The following ANKLE2 variants were observed in gnomAD, a reference collection of about 807,000 sequenced individuals.
ANKLE2 encodes the protein ankyrin repeat and LEM domain containing 2.
A neutral mutation model predicts 84.2 loss-of-function variants in ANKLE2; 55 were observed. The observed-to-expected ratio is 0.65, with a 90% confidence interval of 0.53 to 0.82. The LOEUF is 0.82. Among genes scored for constraint, ANKLE2 ranks in the 40% least tolerant of loss-of-function variants. The pLI, the probability that ANKLE2 is intolerant of heterozygous loss-of-function variation, is 0.00. For synonymous variants in ANKLE2, 551 were observed against 486.1 expected (o/e 1.13, Z -1.76); for missense variants, 1,238 against 1,201.9 (o/e 1.03, Z -0.44).
Position 132,736,970 on chromosome 12 carries a change from C to A in ANKLE2, c.1516G>T (p.Val506Phe). Reference protein sequence around the residue: ...SPDQTAEASHVSRYGGSPRDP... With the variant: ...SPDQTAEASHFSRYGGSPRDP... The stretch of plus-strand genomic sequence containing the variant: ...CTGGGGCTGCCTCCATAGCGGCTGA[C>A]GTGAGAGGCCTCAGCCGTCTGGTCT... The change falls in exon 8 of 13, where the codon GTC becomes TTC. Residue 506 changes from valine (V) to phenylalanine (F), a missense_variant. Physicochemically the swap from Val to Phe is conservative, Grantham distance 50 (BLOSUM62 -1). This residue lies in a region of ANKLE2 where 802 missense variants were observed against 774.5 expected (regional missense o/e 1.04). Coordinates refer to ENST00000357997, the MANE Select transcript of ANKLE2 (RefSeq NM_015114.3). The A allele has an allele frequency of 6.2e-7, 1 of 1,613,874 alleles. No individual in the cohort carries two copies. The highest frequency in any genetic ancestry group is 2.2e-5 in the East Asian group (1 of 44,878).
Sources: gnomAD v4.1 joint callset for allele counts on GRCh38, gnomAD v4.1.1 for gene constraint, gnomAD v4.1.1 regional missense constraint, MANE v1.5 for transcripts, NCBI Gene and HGNC (gene_info 2026-07-23, HGNC 2026-07-21) for gene names.